HTR2C: variants seen among roughly 807,000 people sequenced by gnomAD.
HTR2C encodes 5-hydroxytryptamine (serotonin) receptor 2C, G protein-coupled.
In HTR2C, 5 loss-of-function variants were observed where a neutral mutation model predicts 21.0. That is an observed-to-expected ratio of 0.24 (90% CI 0.12 to 0.50). HTR2C has a LOEUF of 0.50. Among genes scored for constraint, HTR2C ranks in the 20% least tolerant of loss-of-function variants. The pLI, the probability that HTR2C is intolerant of heterozygous loss-of-function variation, is 0.98. For synonymous variants in HTR2C, 150 were observed against 145.3 expected (o/e 1.03, Z -0.23); for missense variants, 271 against 371.2 (o/e 0.73, Z 2.22).
chrX:114,757,446 C>T (rs2069824551), intron 4 of HTR2C, among the ~76,000 whole-genome samples: 1 of 111,188 alleles, frequency 9.0e-6, no homozygotes, highest in African/African-American at 3.3e-5. Context: ...AAAAACAAAA[C>T]AAAACAAACA....
chrX:114,802,081 G>A (rs1389564908), intron 4 of HTR2C, among the ~76,000 whole-genome samples: 1 of 110,842 alleles, frequency 9.0e-6, no homozygotes, highest in Non-Finnish European at 1.9e-5. Flanking sequence ...CTTCAAAAAG[G>A]TCCATTTATG....
chrX:114,829,141 C>T (rs782809837), intron 4 of HTR2C, among the ~76,000 whole-genome samples: 32 of 111,660 alleles, frequency 2.9e-4, no homozygotes, highest in Non-Finnish European at 5.3e-4. Flanking sequence ...TCCACAGTGA[C>T]GGCACCGTTT....
intron 2 of HTR2C, among the ~76,000 whole-genome samples, chrX:114,655,715 C>A (rs1416047025): frequency 2.7e-5 from 3 of 111,097 alleles, no homozygotes; most frequent in African/African-American, 9.7e-5. Context: ...CTGTAGAATT[C>A]TTTTCTACCT....
At chrX:114,838,038 A>T (rs2070802822) in intron 4 of HTR2C, among the ~76,000 whole-genome samples, 1 of 111,192 alleles carries the variant, frequency 9.0e-6, no homozygotes, top group South Asian at 3.7e-4. Context: ...TTTCTTCACA[A>T]ATGCTAATAT....
At chrX:114,645,604 C>A (rs1930333991) in intron 2 of HTR2C, among the ~76,000 whole-genome samples, 1 of 111,364 alleles carries the variant, frequency 9.0e-6, no homozygotes, top group Non-Finnish European at 1.9e-5. Context: ...TAAGGGGAAT[C>A]TTGGATAATT....
intron 4 of HTR2C, among the ~76,000 whole-genome samples, chrX:114,824,142 G>C (rs1556457407): frequency 1.8e-5 from 2 of 111,720 alleles, no homozygotes; most frequent in East Asian, 5.7e-4. Context: ...AAGGAAGTAG[G>C]TGTGATTGCA....
chrX:114,805,270 C>A (rs2070390324), intron 4 of HTR2C, among the ~76,000 whole-genome samples: 1 of 109,694 alleles, frequency 9.1e-6, no homozygotes, highest in African/African-American at 3.3e-5. Context: ...TATGACCAAT[C>A]TGTTTCTCAG....
intron 4 of HTR2C, among the ~76,000 whole-genome samples, chrX:114,736,267 A>G (rs1556424433): frequency 3.6e-5 from 4 of 111,527 alleles, no homozygotes; most frequent in African/African-American, 1.3e-4. Flanking sequence ...TTAATTAGGC[A>G]TATGAAGAAA....
At chrX:114,591,659 A>G (rs1927638859) in intron 1 of HTR2C, among the ~76,000 whole-genome samples, 1 of 111,897 alleles carries the variant, frequency 8.9e-6, no homozygotes, top group South Asian at 3.7e-4. Flanking sequence ...TTATCTGCCA[A>G]ATTAGTGAAC....
intron 2 of HTR2C, among the ~76,000 whole-genome samples, chrX:114,677,336 AG>A (rs1257730763): frequency 9.0e-6 from 1 of 111,643 alleles, no homozygotes; most frequent in Non-Finnish European, 1.9e-5. Context: ...AAAGTTGATG[AG>A]GGCCTAGATA....
chrX:114,775,211 G>A (rs782329162), intron 4 of HTR2C: 12 of 516,228 alleles, frequency 2.3e-5, no homozygotes, highest in East Asian at 7.4e-5. Flanking sequence ...TCAGCTTACC[G>A]GACCATATGT....
intron 4 of HTR2C, among the ~76,000 whole-genome samples, chrX:114,743,118 C>T (rs2069667838): frequency 1.2e-5 from 1 of 82,692 alleles, no homozygotes; most frequent in Non-Finnish European, 2.3e-5. Context: ...TTTTCTTAAT[C>T]CAGTCTATCA....
intron 5 of HTR2C, among the ~76,000 whole-genome samples, chrX:114,883,211 T>G (rs2071195223): frequency 9.1e-6 from 1 of 110,318 alleles, no homozygotes; most frequent in Non-Finnish European, 1.9e-5. Flanking sequence ...ATGTCCCTGC[T>G]TTCATTTTTG....
At chrX:114,749,322 C>G (rs949189554) in intron 4 of HTR2C, among the ~76,000 whole-genome samples, 1 of 107,271 alleles carries the variant, frequency 9.3e-6, no homozygotes, top group African/African-American at 3.4e-5. Context: ...GTGGTGTGTG[C>G]CTGTAGTCCC....
intron 2 of HTR2C, among the ~76,000 whole-genome samples, chrX:114,621,574 C>T (rs1299813463): frequency 2.7e-5 from 3 of 111,759 alleles, no homozygotes; most frequent in African/African-American, 6.5e-5. Flanking sequence ...TATAAGATGC[C>T]GATCGATAAC....
chrX:114,647,017 C>A (rs187407793), intron 2 of HTR2C, among the ~76,000 whole-genome samples: 1 of 110,790 alleles, frequency 9.0e-6, no homozygotes, highest in African/African-American at 3.3e-5. Flanking sequence ...ATATGTGGAA[C>A]CTGAACAAGT....
intron 4 of HTR2C, among the ~76,000 whole-genome samples, chrX:114,805,904 A>G (rs1443390396): frequency 2.5e-4 from 24 of 96,713 alleles, no homozygotes; most frequent in Non-Finnish European, 4.3e-4. Context: ...TATATACATC[A>G]TATATATACC....
chrX:114,605,674 AAAT>A (rs1165073652), intron 1 of HTR2C, among the ~76,000 whole-genome samples: 8 of 111,229 alleles, frequency 7.2e-5, no homozygotes, highest in Non-Finnish European at 1.3e-4. Context: ...TTGCAGAAGA[AAAT>A]AAGGCATTTA....
chrX:114,637,416 A>G (rs1929882328), intron 2 of HTR2C, among the ~76,000 whole-genome samples: 1 of 112,209 alleles, frequency 8.9e-6, no homozygotes. Context: ...AGGAAGAGGA[A>G]AAGAAAAAAG....
Sources: gnomAD v4.1 joint callset for allele counts (sites outside exome capture counted in the v4.1 genomes callset) on GRCh38, gnomAD v4.1.1 for gene constraint, MANE v1.5 for transcripts, NCBI Gene and HGNC (gene_info 2026-07-23, HGNC 2026-07-21) for gene names.